The following UST variants were observed in gnomAD, a reference collection of about 807,000 sequenced individuals.
The protein encoded by UST is uronyl 2-sulfotransferase.
A neutral mutation model predicts 45.6 loss-of-function variants in UST; 21 were observed. The ratio of observed to expected loss-of-function variants is 0.46; its 90% confidence interval spans 0.33 to 0.66. The LOEUF (loss-of-function observed/expected upper bound fraction) is 0.66, where lower values mean the gene tolerates loss of function less well. Among genes scored for constraint, UST ranks in the 30% least tolerant of loss-of-function variants. UST has a pLI of 0.02. For synonymous variants in UST, 215 were observed against 200.6 expected, an observed-to-expected ratio of 1.07 and a Z score of -0.61; for missense variants, 463 against 512.4, an observed-to-expected ratio of 0.90 and a Z score of 0.93.
chr6:148,771,771 A>G (rs1201376423), intron 1 of UST, among the ~76,000 whole-genome samples: 1 of 152,242 alleles, frequency 6.6e-6, no homozygotes, highest in Non-Finnish European at 1.5e-5. Context: ...TAATTATAAC[A>G]TGTACCTGAA....
intron 1 of UST, among the ~76,000 whole-genome samples, chr6:148,796,592 C>A (rs1776952206): frequency 1.5e-5 from 2 of 135,846 alleles, no homozygotes; most frequent in Admixed American, 8.2e-5. Flanking sequence ...CCATTGCACT[C>A]CAGCCTGGAC....
chr6:148,996,542 A>AAGAC (rs1183136807), intron 5 of UST, among the ~76,000 whole-genome samples: 1 of 152,230 alleles, frequency 6.6e-6, no homozygotes, highest in African/African-American at 2.4e-5. Flanking sequence ...TTTCACCAGG[A>AAGAC]AGACTGCTTT....
chr6:148,798,939 G>A (rs927524778), intron 1 of UST, among the ~76,000 whole-genome samples: 3 of 151,968 alleles, frequency 2.0e-5, no homozygotes, highest in Admixed American at 6.5e-5. Context: ...GTGCGAGCTC[G>A]GCTCGCTGCA....
chr6:148,756,069 A>C (rs563242882), intron 1 of UST, among the ~76,000 whole-genome samples: 296 of 129,684 alleles, frequency 2.3e-3, no homozygotes, highest in Non-Finnish European at 3.9e-3. Context: ...AAGTGTTCTC[A>C]TTGTTCAATT....
chr6:148,940,753 T>C (rs545210007), intron 2 of UST, among the ~76,000 whole-genome samples: 1 of 152,224 alleles, frequency 6.6e-6, no homozygotes, highest in Non-Finnish European at 1.5e-5. Flanking sequence ...GATTTTGATT[T>C]GCATTTCCCT....
At chr6:148,752,669 C>T (rs958499808) in intron 1 of UST, among the ~76,000 whole-genome samples, 3 of 152,186 alleles carry the variant, frequency 2.0e-5, no homozygotes, top group African/African-American at 7.2e-5. Context: ...AGGCTTAAGA[C>T]AGTGGTTAGT....
intron 5 of UST, among the ~76,000 whole-genome samples, chr6:149,018,151 T>G (rs529787335): frequency 1.3e-5 from 2 of 152,214 alleles, no homozygotes; most frequent in Non-Finnish European, 2.9e-5. Context: ...GGGATTATTG[T>G]TTTTAAGAAA....
intron 3 of UST, among the ~76,000 whole-genome samples, chr6:148,947,136 G>A (rs529408149): frequency 2.4e-4 from 37 of 152,246 alleles, no homozygotes; most frequent in African/African-American, 8.9e-4. Context: ...AACTTTAAAT[G>A]CTGGGCTTCG....
Position 149,021,306 on chromosome 6 carries a change from A to G in UST, c.780-18A>G, listed in dbSNP as rs915511143. 3.0e-5 allele frequency: 47 copies of G among 1,575,244 alleles called. No individual in the cohort carries two copies. Among genetic ancestry groups the G allele is most frequent in the Non-Finnish European group, 4.1e-5 (47 of 1,160,344 alleles). On this transcript the variant is annotated intron_variant, in intron 6 of 7. Transcript: ENST00000367463. ...AATATGAATGTCTGATTTTAAATAA[A>G]TTTTTATATCCATAAAGGGAGCCTG...
intron 1 of UST, among the ~76,000 whole-genome samples, chr6:148,816,166 G>C (rs1030766390): frequency 6.6e-5 from 10 of 152,164 alleles, no homozygotes; most frequent in African/African-American, 2.4e-4. Context: ...TTGCACACTT[G>C]AGTTAAAATT....
chr6:148,766,633 C>G (rs1332182945), intron 1 of UST, among the ~76,000 whole-genome samples: 1 of 152,116 alleles, frequency 6.6e-6, no homozygotes, highest in African/African-American at 2.4e-5. Context: ...ATTGGTCATG[C>G]CTGGATATGG....
chr6:149,022,655 G>T (rs191823685), intron 7 of UST, among the ~76,000 whole-genome samples: 54 of 152,328 alleles, frequency 3.5e-4, no homozygotes, highest in Middle Eastern at 3.4e-3. Context: ...CCCAAATGCA[G>T]TCTGCTGCCT....
intron 5 of UST, among the ~76,000 whole-genome samples, chr6:148,972,464 G>T (rs1053502619): frequency 2.6e-5 from 4 of 152,354 alleles, no homozygotes; most frequent in Admixed American, 2.6e-4. Flanking sequence ...GCTTAGGGAG[G>T]TGAGGAGCTT....
chr6:149,025,214 G>A (rs192025178), intron 7 of UST, among the ~76,000 whole-genome samples: 22 of 152,172 alleles, frequency 1.4e-4, no homozygotes, highest in South Asian at 2.1e-4. Flanking sequence ...CAATAACAGC[G>A]TAACTGTCTT....
In UST at chr6:148,748,445, GTGTGT is replaced by G. The variant is rs1775922567; in HGVS notation, c.247+769_247+773del. 2.3e-4 allele frequency among the ~76,000 whole-genome samples: 32 copies of G among 141,430 alleles called. No individual in the cohort carries two copies. The highest frequency in any genetic ancestry group is 3.6e-4 in the Non-Finnish European group (23 of 63,384). 92.8% of individuals were successfully genotyped at this position (141,430 alleles called of 152,430 possible). A position where few individuals can be genotyped will look rare whatever the true frequency, so the allele number is the denominator to read the frequency against. On this transcript the variant is annotated intron_variant, in intron 1 of 7. Transcript: ENST00000367463. The surrounding 1 kb of genome is among the most constrained non-coding windows in gnomAD (Gnocchi z 5.3). ...TGTGTGTGTGTGTGTGTGTGTGTGT[GTGTGT>G]GTGGTTTATTAGGAGAGAGGCCGCC...
At chr6:148,908,955 A>G (rs981638032) in intron 2 of UST, among the ~76,000 whole-genome samples, 2 of 152,196 alleles carry the variant, frequency 1.3e-5, no homozygotes, top group African/African-American at 4.8e-5. Flanking sequence ...ACATTTCAAT[A>G]GTTTACTCTT....
At chr6:148,955,917 T>C (rs1161610092) in intron 4 of UST, 1 of 152,222 alleles carries the variant, frequency 6.6e-6, no homozygotes, top group Non-Finnish European at 1.5e-5. Flanking sequence ...CAGATCACAG[T>C]ATGGTGGCCA....
chr6:148,889,120 T>C lies in UST; in HGVS notation c.291+2091T>C, dbSNP rs555454342. The stretch of plus-strand genomic sequence containing the variant: ...GGAGGCTTATTAAAACACAGATTGC[T>C]GGGCCCAGGCCCCAGAGTGTCTGAT... On this transcript the variant is annotated intron_variant, in intron 2 of 7. Coordinates refer to ENST00000367463, the MANE Select transcript of UST (RefSeq NM_005715.3). Among the ~76,000 whole-genome samples, 26 of 152,340 alleles carry C rather than the reference T, an allele frequency of 1.7e-4. No individual in the cohort carries two copies. The East Asian group carries it at 5.0e-3, about 29-fold the overall frequency.
chr6:148,771,012 A>G (rs1040836340), intron 1 of UST, among the ~76,000 whole-genome samples: 2 of 152,178 alleles, frequency 1.3e-5, no homozygotes, highest in Non-Finnish European at 1.5e-5. Flanking sequence ...TTAGTAGAAC[A>G]GAGTGATGTC....
Sources: allele counts gnomAD v4.1 joint callset (sites outside exome capture counted in the v4.1 genomes callset), GRCh38; gene constraint gnomAD v4.1.1; non-coding constraint Gnocchi (gnomAD v3.1); transcripts MANE v1.5; gene names NCBI Gene and HGNC (gene_info 2026-07-23, HGNC 2026-07-21).